Variants in PIK3C2B observed in about 807,000 individuals in gnomAD.
PIK3C2B encodes the protein phosphatidylinositol 4-phosphate 3-kinase C2 domain-containing subunit beta.
PIK3C2B carries 83 observed loss-of-function variants against 184.3 expected under a neutral mutation model. That is an observed-to-expected ratio of 0.45 (90% CI 0.38 to 0.54). The LOEUF is 0.54. Among genes scored for constraint, PIK3C2B ranks in the 20% least tolerant of loss-of-function variants. The pLI is 0.00. For synonymous variants in PIK3C2B, 779 were observed against 837.6 expected (o/e 0.93, Z 1.21); for missense variants, 1,736 against 2,113.5 (o/e 0.82, Z 3.50).
intron 32 of PIK3C2B, 102 bp downstream of exon 32, chr1:204,425,511 T>A: frequency 7.7e-7 from 1 of 1,291,330 alleles, no homozygotes; most frequent in South Asian, 1.3e-5. Context: ...TACAGCCATG[T>A]TCTTAATACA....
Position 204,440,198 on chromosome 1 carries a change from C to T in PIK3C2B, c.3373G>A (p.Gly1125Ser). ...VIFRCFSTGRGRGMVEMIPNA... is the reference protein window; with the variant it reads ...VIFRCFSTGRSRGMVEMIPNA... The stretch of plus-strand genomic sequence containing the variant: ...ACCCCTACTCCCAACTGACCTCTGC[C>T]CCGGCCGGTGGAGAAGCAGCGGAAG... Residue 1125 changes from glycine to serine, a missense_variant, in exon 22 of 33, where the codon GGC becomes AGC. Gly to Ser is a moderately conservative substitution (Grantham distance 56). Around this residue, in one of 8 missense-constraint regions of PIK3C2B, gnomAD observed 289 missense variants for 380.4 expected, o/e 0.76. Coordinates refer to ENST00000684373, the MANE Select transcript of PIK3C2B (RefSeq NM_001377334.1). 2 of 1,612,058 alleles carry T rather than the reference C, an allele frequency of 1.2e-6. No homozygotes were observed. Among genetic ancestry groups the T allele is most frequent in the Non-Finnish European group, 1.7e-6 (2 of 1,178,912 alleles).
chr1:204,431,935 T>C, intron 27 of PIK3C2B, 142 bp from the exon 28 acceptor site: 1 of 930,480 alleles, frequency 1.1e-6, no homozygotes, highest in Admixed American at 1.8e-5. Flanking sequence ...AGACAGATGA[T>C]AGCACATACA....
At chr1:204,430,996 C>T (rs1264184790) in intron 28 of PIK3C2B, among the ~76,000 whole-genome samples, 1 of 152,234 alleles carries the variant, frequency 6.6e-6, no homozygotes, top group East Asian at 1.9e-4. Context: ...ATATGTGTAA[C>T]ATAAAATTTG....
At chr1:204,478,447 A>G (rs902457380) in intron 1 of PIK3C2B, among the ~76,000 whole-genome samples, 2 of 152,156 alleles carry the variant, frequency 1.3e-5, no homozygotes, top group East Asian at 3.8e-4. Context: ...CCAGCCTCCA[A>G]CAGATGTGCA....
Position 204,455,963 on chromosome 1 carries a change from C to G in PIK3C2B, c.1836G>C (p.Val612=). Residue 612 remains valine (V), a synonymous_variant, in exon 11 of 33, where the codon GTG becomes GTC. Transcript: ENST00000684373. ...CCAGGTCATGCTTGCGGCTCCCGGG[C>G]ACTGCCGTCTGGAAGTCTGCGTTGA... ...NTFNADFQTA[V]PGSRKHDLVQ... is the part of the protein sequence containing the mutation. 1.2e-6 allele frequency: 2 copies of G among 1,614,178 alleles called. No individual in the cohort carries two copies. Among genetic ancestry groups the G allele is most frequent in the Middle Eastern group, 3.3e-4 (2 of 6,062 alleles).
chr1:204,489,335 T>C (rs1158176881), intron 1 of PIK3C2B, among the ~76,000 whole-genome samples: 2 of 152,068 alleles, frequency 1.3e-5, no homozygotes, highest in African/African-American at 4.8e-5. Flanking sequence ...ACCCTAATTG[T>C]TTTTATTTTT....
At chr1:204,443,128 C>T (rs1675765235) in intron 19 of PIK3C2B, among the ~76,000 whole-genome samples, 1 of 152,198 alleles carries the variant, frequency 6.6e-6, no homozygotes, top group Admixed American at 6.5e-5. Flanking sequence ...CCTCACTTGC[C>T]CCTTCTGGCT....
At chr1:204,427,213 A>G (rs1374733025) in intron 31 of PIK3C2B, among the ~76,000 whole-genome samples, 3 of 152,272 alleles carry the variant, frequency 2.0e-5, no homozygotes, top group African/African-American at 4.8e-5. Flanking sequence ...GTAATTATCT[A>G]CTACTGCCTT....
At chr1:204,440,090 T>C in intron 22 of PIK3C2B, 102 bp downstream of exon 22, 1 of 1,266,904 alleles carries the variant, frequency 7.9e-7, no homozygotes, top group African/African-American at 1.5e-5. Context: ...ATCTTGCCCT[T>C]TTCACTTTCC....
At chr1:204,443,145 T>C (rs1675766488) in intron 19 of PIK3C2B, among the ~76,000 whole-genome samples, 1 of 152,238 alleles carries the variant, frequency 6.6e-6, no homozygotes, top group Non-Finnish European at 1.5e-5. Context: ...GGCTGAGTGC[T>C]CTTGTGCAAT....
At chr1:204,482,908 G>A (rs1442764268) in intron 1 of PIK3C2B, among the ~76,000 whole-genome samples, 2 of 152,182 alleles carry the variant, frequency 1.3e-5, no homozygotes, top group Non-Finnish European at 2.9e-5. Context: ...GGGGATCCCA[G>A]AAGGACTGCC....
intron 1 of PIK3C2B, among the ~76,000 whole-genome samples, chr1:204,481,501 C>T (rs1222163664): frequency 6.6e-6 from 1 of 152,274 alleles, no homozygotes; most frequent in African/African-American, 2.4e-5. Flanking sequence ...TCATGATCCA[C>T]CTGCCTGGGC....
Position 204,430,003 on chromosome 1 carries a change from C to T in PIK3C2B, c.4316G>A (p.Gly1439Glu), listed in dbSNP as rs770492039. The part of the protein sequence containing the change: ...PSRFVIGRSR[G>E]EAVAERRREE... ...CCTCCGCCGCTCGGCCACCGCCTCT[C>T]CCCGGGAGCGGCCGATCACGAAGCG... Residue 1439 changes from glycine (G) to glutamate (E), a missense_variant, in exon 29 of 33, where the codon GGA becomes GAA. Physicochemically the swap from Gly to Glu is moderately conservative, Grantham distance 98. Coordinates refer to ENST00000684373, the MANE Select transcript of PIK3C2B (RefSeq NM_001377334.1). 17 of 1,611,064 alleles carry T rather than the reference C, an allele frequency of 1.1e-5. No homozygotes were observed. Among genetic ancestry groups the T allele is most frequent in the African/African-American group, 5.3e-5 (4 of 74,934 alleles).
Position 204,456,328 on chromosome 1 carries a change from A to G in PIK3C2B, c.1748-277T>C, listed in dbSNP as rs550437797. 10 of 318,596 alleles carry G rather than the reference A, an allele frequency of 3.1e-5. No individual in the cohort carries two copies. In the East Asian group the frequency reaches 5.0e-4, roughly 16 times the overall value. 19.7% of individuals were successfully genotyped at this position (318,596 alleles called of 1,614,324 possible). On this transcript the variant is annotated intron_variant, in intron 10 of 32. Coordinates refer to ENST00000684373, the MANE Select transcript of PIK3C2B (RefSeq NM_001377334.1). ...CATTAAAATGTCCTTTCTTTTAGGA[A>G]ACAGTGTTAATAATTATTGTCAGTT...
In PIK3C2B at chr1:204,454,593, T is replaced by A. The variant is rs576096497; in HGVS notation, c.2066+76A>T. ...TTTATCATTAGTCCTGGACTAGTTA[T>A]CTGGCCCCAGGGATATTTCAGAGGC... is the stretch of plus-strand genomic sequence containing the variant. On this transcript the variant is annotated intron_variant, in intron 12 of 32. Coordinates refer to ENST00000684373, the MANE Select transcript of PIK3C2B (RefSeq NM_001377334.1). 4.0e-5 allele frequency: 60 copies of A among 1,513,008 alleles called. No individual in the cohort carries two copies. In the African/African-American group the frequency reaches 7.6e-4, roughly 19 times the overall value. 93.7% of individuals were successfully genotyped at this position (1,513,008 alleles called of 1,614,324 possible).
chr1:204,442,315 G>C (rs539870912), intron 20 of PIK3C2B, among the ~76,000 whole-genome samples: 1 of 152,174 alleles, frequency 6.6e-6, no homozygotes, highest in South Asian at 2.1e-4. Flanking sequence ...TGTGGGTAGA[G>C]GAGAGACAGG....
chr1:204,432,259 G>A lies in PIK3C2B; in HGVS notation c.4096C>T (p.Arg1366Ter), dbSNP rs1370810188. 3.1e-6 allele frequency: 5 copies of A among 1,613,918 alleles called. No homozygotes were observed. Among genetic ancestry groups the A allele is most frequent in the Non-Finnish European group, 4.2e-6 (5 of 1,180,020 alleles). ...SRTHTLKSSG[R>*]ISDVFLCRHE... Reference sequence around the variant, plus strand: ...CGGCAGAGGAAAACATCACTGATTCGGCCAGAGCTCTTGAGAGTGTGTGTT... The same window carrying A: ...CGGCAGAGGAAAACATCACTGATTCAGCCAGAGCTCTTGAGAGTGTGTGTT... The change falls in exon 27 of 33, where the codon CGA becomes TGA. Residue 1366 changes from arginine (R) to a stop codon, truncating the protein, a stop_gained. Transcript: ENST00000684373. LOFTEE classifies it high-confidence loss of function.
chr1:204,463,615 G>T (rs1264287665), intron 5 of PIK3C2B, among the ~76,000 whole-genome samples: 2 of 152,252 alleles, frequency 1.3e-5, no homozygotes, highest in Middle Eastern at 3.4e-3. Context: ...GGGAACTTCT[G>T]CCCAGTCCTC....
chr1:204,447,440 A>G lies in PIK3C2B; in HGVS notation c.2485T>C (p.Tyr829His). 6.2e-7 allele frequency: 1 copy of G among 1,613,754 alleles called. No individual in the cohort carries two copies. The highest frequency in any genetic ancestry group is 1.3e-5 in the African/African-American group (1 of 75,000). Reference protein sequence around the residue: ...LKDIMQKESLYWLTDADKKRL... With the variant: ...LKDIMQKESLHWLTDADKKRL... ...CAGTGGGGGCCCGGGTCTCACCAGTACAAGGACTCTTTCTGCATGATGTCT... is the reference window on the plus strand; with the variant it reads ...CAGTGGGGGCCCGGGTCTCACCAGTGCAAGGACTCTTTCTGCATGATGTCT... Residue 829 changes from tyrosine to histidine, a missense_variant, in exon 15 of 33, where the codon TAC becomes CAC. Physicochemically the swap from Tyr to His is moderately conservative, Grantham distance 83 (BLOSUM62 2). Around this residue, in one of 8 missense-constraint regions of PIK3C2B, gnomAD observed 609 missense variants for 699.2 expected, o/e 0.87. Coordinates refer to ENST00000684373, the MANE Select transcript of PIK3C2B (RefSeq NM_001377334.1). The surrounding 1 kb of genome is among the most constrained non-coding windows in gnomAD (Gnocchi z 4.1).
Sources: allele counts gnomAD v4.1 joint callset (sites outside exome capture counted in the v4.1 genomes callset), GRCh38; gene constraint gnomAD v4.1.1; regional missense constraint gnomAD v4.1.1; non-coding constraint Gnocchi (gnomAD v3.1); transcripts MANE v1.5; gene names NCBI Gene and HGNC (gene_info 2026-07-23, HGNC 2026-07-21).